The following SHISA6 variants were observed in gnomAD, a reference collection of about 807,000 sequenced individuals.
The protein encoded by SHISA6 is shisa family member 6.
SHISA6 carries 22 observed loss-of-function variants against 47.9 expected under a neutral mutation model. The observed-to-expected ratio is 0.46, with a 90% CI of 0.33 to 0.66. The LOEUF is 0.66. Among genes scored for constraint, SHISA6 ranks in the 30% least tolerant of loss-of-function variants. The probability of loss-of-function intolerance (pLI) is 0.02; values close to 1 mark genes in which losing one functional copy is unlikely to be tolerated. For missense variants in SHISA6, 680 were observed against 764.6 expected (o/e 0.89, Z 1.30); for synonymous variants, 388 against 337.8 (o/e 1.15, Z -1.63).
intron 3 of SHISA6, among the ~76,000 whole-genome samples, chr17:11,388,557 T>G (rs1913267202): frequency 6.6e-6 from 1 of 151,916 alleles, no homozygotes; most frequent in South Asian, 2.1e-4. Context: ...TGCCTTGGTG[T>G]GCTCAGCTTT....
intron 2 of SHISA6, among the ~76,000 whole-genome samples, chr17:11,277,299 CACACACACACACACACACA>C (rs1419750737): frequency 2.0e-5 from 3 of 150,440 alleles, no homozygotes; most frequent in Non-Finnish European, 4.4e-5. Context: ...CACACACACA[CACACACACACACACACACA>C]CCCCGCATGT....
chr17:11,417,327 G>A (rs1051679728), intron 3 of SHISA6, among the ~76,000 whole-genome samples: 1 of 151,950 alleles, frequency 6.6e-6, no homozygotes, highest in African/African-American at 2.4e-5. Flanking sequence ...AACACAAGTA[G>A]GTTGAAGAAG....
intron 4 of SHISA6, among the ~76,000 whole-genome samples, chr17:11,553,624 C>G (rs1011999563): frequency 6.6e-6 from 1 of 151,974 alleles, no homozygotes; most frequent in Non-Finnish European, 1.5e-5. Flanking sequence ...GACTATCAAG[C>G]GAGGAGGGGG....
In SHISA6 at chr17:11,249,117, A is replaced by G. The variant is rs528372285; in HGVS notation, c.638+7057A>G. On this transcript the variant is annotated intron_variant, in intron 1 of 5. Transcript: ENST00000441885. ...CGCGCCACTGCACTCCAGCCTGGGC[A>G]ACAGAGCGAGACTCCGTCTCAAAAA... Among the ~76,000 whole-genome samples the G allele has an allele frequency of 3.2e-3, 482 of 150,302 alleles. 9 individuals carry two copies. Among genetic ancestry groups the G allele is most frequent in the Non-Finnish European group, 9.3e-4 (63 of 67,554 alleles).
At chr17:11,326,408 G>A (rs1383331561) in intron 2 of SHISA6, among the ~76,000 whole-genome samples, 1 of 152,114 alleles carries the variant, frequency 6.6e-6, no homozygotes, top group Non-Finnish European at 1.5e-5. Flanking sequence ...AGAACCCTGT[G>A]TGCATTCATT....
At chr17:11,383,441 T>C (rs183724903) in intron 3 of SHISA6, among the ~76,000 whole-genome samples, 1 of 152,084 alleles carries the variant, frequency 6.6e-6, no homozygotes, top group Admixed American at 6.6e-5. Flanking sequence ...GTTAGTGGGA[T>C]TGAGAACGTG....
chr17:11,386,219 T>C (rs1226473257), intron 3 of SHISA6, among the ~76,000 whole-genome samples: 1 of 152,058 alleles, frequency 6.6e-6, no homozygotes, highest in African/African-American at 2.4e-5. Context: ...CTACTAAAAA[T>C]ACAAAATTAG....
chr17:11,351,466 G>A (rs1911889196), intron 2 of SHISA6, among the ~76,000 whole-genome samples: 1 of 152,014 alleles, frequency 6.6e-6, no homozygotes, highest in Non-Finnish European at 1.5e-5. Flanking sequence ...TACCTACCTA[G>A]TAAAAATTCT....
chr17:11,255,485 A>G (rs1229435390), intron 1 of SHISA6, among the ~76,000 whole-genome samples: 1 of 152,210 alleles, frequency 6.6e-6, no homozygotes, highest in Non-Finnish European at 1.5e-5. Context: ...TCTTTTGCTC[A>G]AGCTGTGAAT....
intron 2 of SHISA6, among the ~76,000 whole-genome samples, chr17:11,312,649 G>A (rs1201296996): frequency 6.6e-6 from 1 of 152,074 alleles, no homozygotes; most frequent in East Asian, 1.9e-4. Flanking sequence ...AGCATATATG[G>A]TTTTGTCAAA....
intron 3 of SHISA6, among the ~76,000 whole-genome samples, chr17:11,395,518 T>A (rs960849214): frequency 3.4e-5 from 5 of 147,758 alleles, no homozygotes; most frequent in African/African-American, 1.2e-4. Flanking sequence ...TTTTACTTTT[T>A]TTTTTTTTTT....
chr17:11,256,497 A>AAAAAC (rs559562133), intron 1 of SHISA6, among the ~76,000 whole-genome samples: 1,871 of 152,202 alleles, frequency 0.012, 36 homozygotes, highest in African/African-American at 0.043. Context: ...CTCTATCTCA[A>AAAAAC]AAAACAAAAC....
chr17:11,522,412 C>A (rs889342037), intron 3 of SHISA6, among the ~76,000 whole-genome samples: 3 of 152,152 alleles, frequency 2.0e-5, no homozygotes, highest in Admixed American at 1.3e-4. Flanking sequence ...TACAGACACG[C>A]AACAGCACGC....
intron 3 of SHISA6, among the ~76,000 whole-genome samples, chr17:11,385,337 G>T (rs1913156713): frequency 6.6e-6 from 1 of 152,094 alleles, no homozygotes; most frequent in African/African-American, 2.4e-5. Flanking sequence ...AACAGAAGGA[G>T]CCAGAGTGTA....
intron 2 of SHISA6, among the ~76,000 whole-genome samples, chr17:11,326,456 T>C: frequency 6.6e-6 from 1 of 152,038 alleles, no homozygotes; most frequent in East Asian, 1.9e-4. Context: ...AAACTCTCAA[T>C]GATGTAAATG....
intron 1 of SHISA6, among the ~76,000 whole-genome samples, chr17:11,251,141 A>G (rs1278021598): frequency 2.0e-5 from 3 of 152,116 alleles, no homozygotes; most frequent in African/African-American, 7.2e-5. Flanking sequence ...ACCTTCCTGA[A>G]TGTAATGGAG....
intron 3 of SHISA6, among the ~76,000 whole-genome samples, chr17:11,396,808 T>C (rs1458910387): frequency 6.6e-6 from 1 of 152,112 alleles, no homozygotes; most frequent in Non-Finnish European, 1.5e-5. Context: ...GCTTAAAACC[T>C]AGATGATGGT....
intron 2 of SHISA6, among the ~76,000 whole-genome samples, chr17:11,336,444 A>G (rs184909193): frequency 6.6e-6 from 1 of 152,246 alleles, no homozygotes; most frequent in East Asian, 1.9e-4. Context: ...TATGGAATCA[A>G]CATGGCCCAT....
intron 2 of SHISA6, among the ~76,000 whole-genome samples, chr17:11,314,565 C>T (rs1016818457): frequency 3.7e-4 from 56 of 149,972 alleles, no homozygotes; most frequent in Admixed American, 2.4e-3. Flanking sequence ...GATGGAGTCC[C>T]GCTCTTGTTC....
Sources: allele counts gnomAD v4.1 joint callset (sites outside exome capture counted in the v4.1 genomes callset), GRCh38; gene constraint gnomAD v4.1.1; transcripts MANE v1.5; gene names NCBI Gene and HGNC (gene_info 2026-07-23, HGNC 2026-07-21).